The following LRMDA variants were observed in gnomAD, a reference collection of about 807,000 sequenced individuals.
LRMDA encodes the protein leucine-rich melanocyte differentiation-associated protein.
In LRMDA, 18 loss-of-function variants were observed where a neutral mutation model predicts 29.8. The observed-to-expected ratio is 0.60, with a 90% CI of 0.42 to 0.90. The LOEUF is 0.90. Ranked by LOEUF, LRMDA falls within the 40% of genes least tolerant of loss-of-function variation. LRMDA has a pLI of 0.00. For synonymous variants in LRMDA, 125 were observed against 109.4 expected, an observed-to-expected ratio of 1.14 and a Z score of -0.89; for missense variants, 273 against 273.9, an observed-to-expected ratio of 1.00 and a Z score of 0.02.
intron 6 of LRMDA, among the ~76,000 whole-genome samples, chr10:76,348,910 G>T (rs1299473806): frequency 6.6e-6 from 1 of 152,204 alleles, no homozygotes; most frequent in Non-Finnish European, 1.5e-5. Context: ...TTAGCTGAAG[G>T]GTTGCCTAGG....
chr10:76,059,773 T>C (rs1848675488), intron 5 of LRMDA, among the ~76,000 whole-genome samples: 1 of 152,266 alleles, frequency 6.6e-6, no homozygotes, highest in Non-Finnish European at 1.5e-5. Flanking sequence ...CAAGTTGCTC[T>C]GCTGGCAGCA....
At chr10:76,404,492 C>A (rs1841882366) in intron 6 of LRMDA, among the ~76,000 whole-genome samples, 1 of 152,148 alleles carries the variant, frequency 6.6e-6, no homozygotes, top group Admixed American at 6.5e-5. Flanking sequence ...CCCATGAGAT[C>A]TCTCTGCCCT....
At chr10:75,459,832 C>T (rs1844564121) in intron 2 of LRMDA, among the ~76,000 whole-genome samples, 1 of 152,166 alleles carries the variant, frequency 6.6e-6, no homozygotes, top group African/African-American at 2.4e-5. Flanking sequence ...GGCAAGAGAG[C>T]AAGTGATTGA....
At chr10:75,655,426 C>A (rs74147162) in intron 2 of LRMDA, among the ~76,000 whole-genome samples, 5,144 of 152,306 alleles carry the variant, frequency 0.034, 198 homozygotes, top group African/African-American at 0.1. Context: ...TTGGCAGGTG[C>A]CTTGCTAGGC....
chr10:76,253,219 T>G (rs1404972664), intron 5 of LRMDA, among the ~76,000 whole-genome samples: 2 of 152,188 alleles, frequency 1.3e-5, no homozygotes, highest in Admixed American at 1.3e-4. Context: ...TTAGAACAGA[T>G]TTCTGGGTTT....
chr10:76,518,290 T>C (rs1005430529), intron 6 of LRMDA, among the ~76,000 whole-genome samples: 1 of 149,058 alleles, frequency 6.7e-6, no homozygotes, highest in Non-Finnish European at 1.5e-5. Flanking sequence ...CATCTATCTA[T>C]CTATCTATCT....
intron 2 of LRMDA, among the ~76,000 whole-genome samples, chr10:75,507,768 C>G (rs929760200): frequency 5.9e-5 from 9 of 152,146 alleles, no homozygotes; most frequent in Admixed American, 1.3e-4. Context: ...AAAGCCAAAC[C>G]CTTGGCAGAG....
At chr10:76,414,732 G>A (rs142959904) in intron 6 of LRMDA, among the ~76,000 whole-genome samples, 20 of 152,318 alleles carry the variant, frequency 1.3e-4, no homozygotes, top group African/African-American at 4.3e-4. Context: ...GTTGAGCCAT[G>A]GCTTAGCTGG....
At chr10:75,783,237 T>C (rs1843415563) in intron 2 of LRMDA, among the ~76,000 whole-genome samples, 1 of 152,292 alleles carries the variant, frequency 6.6e-6, no homozygotes, top group Non-Finnish European at 1.5e-5. Context: ...GTATCCTAGG[T>C]GTGTCCTCGA....
intron 2 of LRMDA, among the ~76,000 whole-genome samples, chr10:75,893,352 T>G (rs1845527013): frequency 6.6e-6 from 1 of 152,202 alleles, no homozygotes. Flanking sequence ...AAAATATGTA[T>G]GAAAACCTAA....
chr10:75,521,832 G>A (rs1845364271), intron 2 of LRMDA, among the ~76,000 whole-genome samples: 1 of 152,134 alleles, frequency 6.6e-6, no homozygotes, highest in Non-Finnish European at 1.5e-5. Context: ...TTCCTATTCG[G>A]CCATCCATTA....
At chr10:76,326,538 C>T (rs558508361) in intron 6 of LRMDA, among the ~76,000 whole-genome samples, 1 of 152,300 alleles carries the variant, frequency 6.6e-6, no homozygotes, top group South Asian at 2.1e-4. Context: ...TGAAATTCTC[C>T]ATGATGTCTG....
chr10:75,609,251 C>T (rs1288643923), intron 2 of LRMDA, among the ~76,000 whole-genome samples: 1 of 152,118 alleles, frequency 6.6e-6, no homozygotes, highest in African/African-American at 2.4e-5. Flanking sequence ...TTTGAGGCCG[C>T]TGCTTGGAAA....
intron 6 of LRMDA, among the ~76,000 whole-genome samples, chr10:76,540,243 C>A (rs950336121): frequency 1.3e-5 from 2 of 152,206 alleles, no homozygotes; most frequent in African/African-American, 2.4e-5. Context: ...AAAGATGTAA[C>A]TTTTCCATCT....
chr10:75,923,057 A>G (rs75447351), intron 2 of LRMDA, among the ~76,000 whole-genome samples: 6,733 of 152,202 alleles, frequency 0.044, 285 homozygotes, highest in East Asian at 0.23. Flanking sequence ...AGGTCACATA[A>G]TTCATCAGTG....
chr10:75,918,396 G>GT (rs2132385898), intron 2 of LRMDA, among the ~76,000 whole-genome samples: 2 of 152,226 alleles, frequency 1.3e-5, no homozygotes, highest in South Asian at 4.2e-4. Flanking sequence ...TCCAATCACG[G>GT]TGGAAGGCAA....
rs1435905940 is a variant in LRMDA, at chr10:76,324,498, C to G, written c.601+13C>G. ...ACCAGTCACCAAGGTTGGAACTCAGCTTTTTATTGCTCTCAGTGGGTGCAG... is the reference window on the plus strand; with the variant it reads ...ACCAGTCACCAAGGTTGGAACTCAGGTTTTTATTGCTCTCAGTGGGTGCAG... On this transcript the variant is annotated intron_variant, in intron 6 of 6. Coordinates refer to ENST00000611255, the MANE Select transcript of LRMDA (RefSeq NM_001305581.2). The G allele has an allele frequency of 1.9e-6, 3 of 1,612,750 alleles. No homozygotes were observed. The African/African-American group carries it at 4.0e-5, about 22-fold the overall frequency.
intron 2 of LRMDA, among the ~76,000 whole-genome samples, chr10:75,834,819 G>A (rs1289741812): frequency 6.6e-6 from 1 of 152,024 alleles, no homozygotes; most frequent in East Asian, 1.9e-4. Context: ...TGATGATTTG[G>A]GTATTCTCTA....
At chr10:75,565,066 T>A (rs1840352601) in intron 2 of LRMDA, among the ~76,000 whole-genome samples, 1 of 152,236 alleles carries the variant, frequency 6.6e-6, no homozygotes, top group African/African-American at 2.4e-5. Context: ...TTTGATTGAC[T>A]GATCCAAGGA....
Sources: allele counts gnomAD v4.1 joint callset (sites outside exome capture counted in the v4.1 genomes callset), GRCh38; gene constraint gnomAD v4.1.1; transcripts MANE v1.5; gene names NCBI Gene and HGNC (gene_info 2026-07-23, HGNC 2026-07-21).